The following VPS13A variants were observed in gnomAD, a reference collection of about 807,000 sequenced individuals.
VPS13A encodes the protein vacuolar protein sorting 13 homolog A.
Under a neutral mutation model 390.9 loss-of-function variants are expected in VPS13A, and 264 were observed. The observed-to-expected ratio is 0.68, with a 90% confidence interval of 0.61 to 0.75. The LOEUF is 0.75. VPS13A is among the 30% of genes least tolerant of loss of function. The pLI, the probability that VPS13A is intolerant of heterozygous loss-of-function variation, is 0.00. For missense variants in VPS13A, 3,409 were observed against 3,733.9 expected, an observed-to-expected ratio of 0.91 and a Z score of 2.27; for synonymous variants, 1,231 against 1,227.1, an observed-to-expected ratio of 1.00 and a Z score of -0.07.
At chr9:77,275,701 A>C in intron 25 of VPS13A, 49 bp downstream of exon 25, 1 of 1,572,916 alleles carries the variant, frequency 6.4e-7, no homozygotes, top group Middle Eastern at 2.0e-4. Context: ...TGCTGTTTCT[A>C]TATTTACAGC....
intron 56 of VPS13A, 60 bp from the exon 57 acceptor site, chr9:77,358,297 T>G: frequency 7.2e-7 from 1 of 1,390,516 alleles, no homozygotes. Context: ...CAAATCCTGT[T>G]ATTCTGGTCA....
chr9:77,308,085 A>G lies in VPS13A; in HGVS notation c.4101A>G (p.Ser1367=). 1 of 1,613,902 alleles carries G rather than the reference A, an allele frequency of 6.2e-7. No individual in the cohort carries two copies. Among genetic ancestry groups the G allele is most frequent in the South Asian group, 1.1e-5 (1 of 91,078 alleles). The change falls in exon 35 of 72, where the codon TCA becomes TCG. Residue 1367 remains serine (S), a synonymous_variant. Coordinates refer to ENST00000360280, the MANE Select transcript of VPS13A (RefSeq NM_033305.3). ...SATSGVTTNA[S]HHSGGATVVT... is the part of the protein sequence containing the mutation. ...CTAGTGGAGTTACTACTAATGCTTC[A>G]CACCATTCAGGAGGTATGTTTTTAA...
At chr9:77,249,179 C>T (rs1825008951) in intron 20 of VPS13A, among the ~76,000 whole-genome samples, 1 of 152,122 alleles carries the variant, frequency 6.6e-6, no homozygotes, top group Admixed American at 6.5e-5. Flanking sequence ...TTTTTCTGGC[C>T]ACTTAACAAA....
At chr9:77,374,140 CTTATT>C (rs1384428707) in intron 67 of VPS13A, among the ~76,000 whole-genome samples, 1 of 152,038 alleles carries the variant, frequency 6.6e-6, no homozygotes, top group East Asian at 1.9e-4. Context: ...CCTTTATTAT[CTTATT>C]TTGTTATAAG....
rs144562024 is a variant in VPS13A at position 77,301,531 on chromosome 9, C to T, written c.3813-1384C>T. Among the ~76,000 whole-genome samples, 652 of 152,280 alleles carry T rather than the reference C, an allele frequency of 4.3e-3. 4 individuals carry two copies. The highest frequency in any genetic ancestry group is 0.01 in the South Asian group (49 of 4,832). On this transcript the variant is annotated intron_variant, in intron 33 of 71. Transcript: ENST00000360280. ...ATCCCTGATGAACTCTCATATTTCT[C>T]TCCTATTGATTAAATGATTGCCAAA...
chr9:77,246,444 A>G (rs1201677763), intron 19 of VPS13A, among the ~76,000 whole-genome samples: 1 of 151,434 alleles, frequency 6.6e-6, no homozygotes, highest in Non-Finnish European at 1.5e-5. Context: ...GTTATATTCA[A>G]ATATACTGAC....
chr9:77,275,995 T>G, intron 25 of VPS13A, 70 bp from the exon 26 acceptor site: 1 of 1,511,056 alleles, frequency 6.6e-7, no homozygotes, highest in Non-Finnish European at 9.1e-7. Context: ...TATATTCACA[T>G]GTAACCACTA....
At chr9:77,205,515 A>C (rs1221631930) in intron 4 of VPS13A, 107 bp downstream of exon 4, 1 of 476,834 alleles carries the variant, frequency 2.1e-6, no homozygotes, top group East Asian at 4.1e-5. Context: ...TTAATATTTA[A>C]ATTTGATATT....
Position 77,353,427 on chromosome 9 carries a change from G to A in VPS13A, c.7438G>A (p.Asp2480Asn). The A allele has an allele frequency of 6.4e-7, 1 of 1,574,062 alleles. No homozygotes were observed. Among genetic ancestry groups the A allele is most frequent in the Non-Finnish European group, 8.7e-7 (1 of 1,147,524 alleles). Residue 2480 changes from aspartate (D) to asparagine (N), a missense_variant, in exon 54 of 72, where the codon GAT becomes AAT. Transcript: ENST00000360280. ...TQKDDMMMPI[D>N]LGEKTIYLVS... ...ATTCTAGGATATGATGATGCCTATA[G>A]ATTTGGGGGAAAAGACAATATATTT...
At chr9:77,351,055 A>T (rs1257833945) in intron 52 of VPS13A, 12 of 361,034 alleles carry the variant, frequency 3.3e-5, no homozygotes, top group South Asian at 2.5e-4. Flanking sequence ...AATTTGTATT[A>T]AAAAATTGAC....
At position 77,184,671 on chromosome 9, in the gene VPS13A, T is replaced by C. The variant is rs577835982; in HGVS notation, c.100+6867T>C. ...ATTTTGTCAAATGTTTTTTTCTGCATCTATTACTATTATCACAGGATTTTT... is the reference window on the plus strand; with the variant it reads ...ATTTTGTCAAATGTTTTTTTCTGCACCTATTACTATTATCACAGGATTTTT... On this transcript the variant is annotated intron_variant, in intron 1 of 71. Transcript: ENST00000360280. Among the ~76,000 whole-genome samples, 9 of 152,074 alleles carry C rather than the reference T, an allele frequency of 5.9e-5. No individual in the cohort carries two copies. The South Asian group carries it at 1.9e-3, about 32-fold the overall frequency.
chr9:77,284,691 AATTTT>A (rs1827233323), intron 31 of VPS13A, among the ~76,000 whole-genome samples: 1 of 151,884 alleles, frequency 6.6e-6, no homozygotes, highest in Admixed American at 6.6e-5. Context: ...TTTTCTCTGT[AATTTT>A]ATTTTATTTT....
At chr9:77,381,913 T>G in intron 67 of VPS13A, 63 bp from the exon 68 acceptor site, 2 of 1,079,436 alleles carry the variant, frequency 1.9e-6, no homozygotes, top group Non-Finnish European at 1.4e-6. Context: ...TAATTGCATT[T>G]TATAGTTTAT....
chr9:77,283,414 T>C lies in VPS13A; in HGVS notation c.3178T>C (p.Cys1060Arg), dbSNP rs1292480488. 2 of 1,609,198 alleles carry C rather than the reference T, an allele frequency of 1.2e-6. No homozygotes were observed. The highest frequency in any genetic ancestry group is 1.7e-6 in the Non-Finnish European group (2 of 1,176,228). ...TTTGCAGATTTTAGCAGAATTATCGTGTTTACAGATCTTTATTCAAGATCA... is the reference window on the plus strand; with the variant it reads ...TTTGCAGATTTTAGCAGAATTATCGCGTTTACAGATCTTTATTCAAGATCA... ...ITLQILAELS[C>R]LQIFIQDQKC... Residue 1060 changes from cysteine to arginine, a missense_variant, in exon 30 of 72, where the codon TGT becomes CGT. Cys to Arg is a radical substitution (Grantham distance 180). This residue lies in a region of VPS13A where 2,717 missense variants were observed against 2,917.4 expected (regional missense o/e 0.93). Coordinates refer to ENST00000360280, the MANE Select transcript of VPS13A (RefSeq NM_033305.3).
intron 50 of VPS13A, among the ~76,000 whole-genome samples, chr9:77,342,801 C>G (rs7855311): frequency 0.017 from 2,589 of 152,192 alleles, 74 homozygotes; most frequent in African/African-American, 0.058. Flanking sequence ...CCTGTGTAAG[C>G]AGGAGGCTAA....
At chr9:77,238,878 A>G (rs1587394683) in intron 19 of VPS13A, among the ~76,000 whole-genome samples, 1 of 152,330 alleles carries the variant, frequency 6.6e-6, no homozygotes, top group Non-Finnish European at 1.5e-5. Flanking sequence ...TTAATTAAAT[A>G]GTTGACCATA....
intron 31 of VPS13A, among the ~76,000 whole-genome samples, chr9:77,287,613 G>C (rs1485592806): frequency 6.6e-6 from 1 of 152,148 alleles, no homozygotes; most frequent in Admixed American, 6.5e-5. Context: ...TGAAAACCAA[G>C]AAAGCAGGGT....
chr9:77,351,483 T>A, intron 53 of VPS13A, 37 bp downstream of exon 53: 1 of 1,608,146 alleles, frequency 6.2e-7, no homozygotes. Flanking sequence ...CCAGCAGCCT[T>A]TTTTAAAAAA....
At chr9:77,228,485 G>T (rs2131201808) in intron 17 of VPS13A, among the ~76,000 whole-genome samples, 1 of 152,032 alleles carries the variant, frequency 6.6e-6, no homozygotes, top group African/African-American at 2.4e-5. Context: ...ATACAAAAAT[G>T]ATCAGCAACT....
Sources: gnomAD v4.1 joint callset for allele counts (sites outside exome capture counted in the v4.1 genomes callset) on GRCh38, gnomAD v4.1.1 for gene constraint, gnomAD v4.1.1 regional missense constraint, MANE v1.5 for transcripts, NCBI Gene and HGNC (gene_info 2026-07-23, HGNC 2026-07-21) for gene names.